DIAPH2: variants seen among roughly 807,000 people sequenced by gnomAD.
DIAPH2 encodes the protein protein diaphanous homolog 2.
In DIAPH2, 35 loss-of-function variants were observed where a neutral mutation model predicts 92.7. The ratio of observed to expected loss-of-function variants is 0.38; its 90% CI spans 0.29 to 0.50. The LOEUF (loss-of-function observed/expected upper bound fraction) is 0.50. Ranked by LOEUF, DIAPH2 falls within the 20% of genes least tolerant of loss-of-function variation. The pLI, the probability that DIAPH2 is intolerant of heterozygous loss-of-function variation, is 0.94. For missense variants in DIAPH2, 701 were observed against 819.5 expected, an observed-to-expected ratio of 0.86 and a Z score of 1.77; for synonymous variants, 301 against 280.4, an observed-to-expected ratio of 1.07 and a Z score of -0.73.
intron 26 of DIAPH2, among the ~76,000 whole-genome samples, chrX:97,441,037 C>T (rs777818202): frequency 6.3e-5 from 7 of 111,564 alleles, no homozygotes; most frequent in African/African-American, 2.3e-4. Flanking sequence ...GGAAAGGATC[C>T]ACTGGATTTC....
intron 24 of DIAPH2, among the ~76,000 whole-genome samples, chrX:97,374,203 G>A (rs1467387511): frequency 9.0e-6 from 1 of 111,254 alleles, no homozygotes; most frequent in Non-Finnish European, 1.9e-5. Context: ...TGGAGGGAAT[G>A]CAATGCTGTC....
intron 22 of DIAPH2, among the ~76,000 whole-genome samples, chrX:97,190,482 G>C (rs1887550029): frequency 8.9e-6 from 1 of 112,332 alleles, no homozygotes; most frequent in South Asian, 3.7e-4. Flanking sequence ...ACATATCTTA[G>C]CAACTTCAGA....
intron 25 of DIAPH2, among the ~76,000 whole-genome samples, chrX:97,418,305 A>G (rs977027931): frequency 5.3e-5 from 6 of 112,474 alleles, no homozygotes; most frequent in African/African-American, 1.9e-4. Flanking sequence ...GGATTACCAA[A>G]TGATGACTTG....
intron 15 of DIAPH2, among the ~76,000 whole-genome samples, chrX:96,950,089 CTCTG>C (rs1452299376): frequency 4.5e-5 from 5 of 111,045 alleles, no homozygotes; most frequent in African/African-American, 6.6e-5. Context: ...TAATCTCTTT[CTCTG>C]TCTGTTTCCC....
At chrX:97,299,323 A>C (rs1233161661) in intron 23 of DIAPH2, among the ~76,000 whole-genome samples, 3 of 111,944 alleles carry the variant, frequency 2.7e-5, no homozygotes, top group Non-Finnish European at 3.8e-5. Flanking sequence ...AAAATGATGA[A>C]TTGCCCAGTG....
At chrX:96,901,428 T>G (rs2065393258) in intron 5 of DIAPH2, among the ~76,000 whole-genome samples, 1 of 109,913 alleles carries the variant, frequency 9.1e-6, no homozygotes, top group Admixed American at 9.8e-5. Context: ...TTTTTAATCT[T>G]TTGTATTTTT....
rs746361186 is a variant in DIAPH2, at chrX:96,965,162, G to C, written c.2005G>C (p.Asp669His). ...CAAAGAAGACAAGTTTGAGAATCCA[G>C]ATCTCTTTGCCAAATTGGCATTGAA... ...RVKEDKFENPDLFAKLALNFA... is the reference protein window; with the variant it reads ...RVKEDKFENPHLFAKLALNFA... Residue 669 changes from aspartate (D) to histidine (H), a missense_variant, in exon 17 of 27, where the codon GAT (aspartate) becomes CAT (histidine). Asp to His is a moderately conservative substitution (Grantham distance 81, BLOSUM62 -1). This residue lies in a region of DIAPH2 where 536 missense variants were observed against 599.3 expected (regional missense o/e 0.89). Transcript: ENST00000324765. 3.3e-6 allele frequency: 4 copies of C among 1,197,305 alleles called. No individual in the cohort carries two copies. The highest frequency in any genetic ancestry group is 3.0e-5 in the East Asian group (1 of 32,950).
At chrX:97,328,838 G>A (rs5921786) in intron 23 of DIAPH2, among the ~76,000 whole-genome samples, 3,979 of 110,722 alleles carry the variant, frequency 0.036, 60 homozygotes, top group African/African-American at 0.048. Flanking sequence ...TAGTACATTA[G>A]TATTTTTATC....
At chrX:97,209,277 A>G (rs772825177) in intron 22 of DIAPH2, among the ~76,000 whole-genome samples, 1 of 111,356 alleles carries the variant, frequency 9.0e-6, no homozygotes, top group East Asian at 2.8e-4. Context: ...ATAAATAAGC[A>G]TATGAGTTTC....
chrX:97,083,852 A>G (rs757962743), intron 19 of DIAPH2, among the ~76,000 whole-genome samples: 1 of 111,988 alleles, frequency 8.9e-6, no homozygotes, highest in Admixed American at 9.5e-5. Flanking sequence ...TACAAATTCT[A>G]TATCCCAGGA....
At chrX:97,473,891 CAG>C (rs1041150943) in intron 26 of DIAPH2, among the ~76,000 whole-genome samples, 2 of 111,961 alleles carry the variant, frequency 1.8e-5, no homozygotes, top group African/African-American at 3.2e-5. Context: ...ACCCAGGAGA[CAG>C]AGGTTGCAGT....
chrX:97,061,090 G>A (rs1163449853), intron 17 of DIAPH2, among the ~76,000 whole-genome samples: 4 of 112,417 alleles, frequency 3.6e-5, no homozygotes, highest in Non-Finnish European at 3.8e-5. Flanking sequence ...TTCATAACAA[G>A]TTGACTCCAT....
chrX:96,941,160 C>T (rs2065701786), intron 12 of DIAPH2, among the ~76,000 whole-genome samples: 1 of 111,934 alleles, frequency 8.9e-6, no homozygotes, highest in South Asian at 3.7e-4. Flanking sequence ...CATTTACAAA[C>T]TTTTAGTAGG....
intron 26 of DIAPH2, among the ~76,000 whole-genome samples, chrX:97,563,859 G>A (rs1304886377): frequency 9.0e-6 from 1 of 111,363 alleles, no homozygotes; most frequent in Non-Finnish European, 1.9e-5. Flanking sequence ...TCAGGAAGGT[G>A]TTGTAATCAC....
At chrX:96,728,411 A>AT (rs1394225610) in intron 1 of DIAPH2, among the ~76,000 whole-genome samples, 1 of 110,774 alleles carries the variant, frequency 9.0e-6, no homozygotes, top group East Asian at 2.9e-4. Context: ...GGGTTTCACC[A>AT]TGTTGGTCAG....
chrX:96,959,803 A>C (rs759015804), intron 16 of DIAPH2, among the ~76,000 whole-genome samples: 1 of 111,231 alleles, frequency 9.0e-6, no homozygotes, highest in South Asian at 3.8e-4. Context: ...ATATTGTGGG[A>C]GATATAGGTC....
At chrX:96,700,322 T>TACCATAA (rs2063848310) in intron 1 of DIAPH2, among the ~76,000 whole-genome samples, 1 of 112,542 alleles carries the variant, frequency 8.9e-6, no homozygotes, top group Non-Finnish European at 1.9e-5. Flanking sequence ...GATTCTATGG[T>TACCATAA]ACAGTCTTCT....
At chrX:97,093,240 A>G (rs762039519) in intron 19 of DIAPH2, among the ~76,000 whole-genome samples, 14 of 107,820 alleles carry the variant, frequency 1.3e-4, no homozygotes, top group South Asian at 4.2e-4. Context: ...GGAGGGGGGG[A>G]AAAAGAAAAC....
intron 17 of DIAPH2, among the ~76,000 whole-genome samples, chrX:97,008,473 A>G (rs1046088245): frequency 9.0e-6 from 1 of 111,283 alleles, no homozygotes; most frequent in Non-Finnish European, 1.9e-5. Context: ...CTTGATTCTT[A>G]TGGATATTCC....
Sources: allele counts gnomAD v4.1 joint callset (sites outside exome capture counted in the v4.1 genomes callset), GRCh38; gene constraint gnomAD v4.1.1; regional missense constraint gnomAD v4.1.1; transcripts MANE v1.5; gene names NCBI Gene and HGNC (gene_info 2026-07-23, HGNC 2026-07-21).